GLI2: variants seen among roughly 807,000 people sequenced by gnomAD.
The protein encoded by GLI2 is transcription activator GLI2.
A neutral mutation model predicts 78.9 loss-of-function variants in GLI2; 22 were observed. That is an observed-to-expected ratio of 0.28 (90% CI 0.20 to 0.40). The LOEUF (loss-of-function observed/expected upper bound fraction) is 0.40, where lower values mean the gene tolerates loss of function less well. Ranked by LOEUF, GLI2 falls within the 10% of genes least tolerant of loss-of-function variation. GLI2 has a pLI of 1.00. For missense variants in GLI2, 2,097 were observed against 2,213.2 expected, an observed-to-expected ratio of 0.95 and a Z score of 1.05; for synonymous variants, 974 against 963.7, an observed-to-expected ratio of 1.01 and a Z score of -0.20.
chr2:120,924,913 G>A (rs1679585520), intron 2 of GLI2, among the ~76,000 whole-genome samples: 1 of 152,250 alleles, frequency 6.6e-6, no homozygotes, highest in Non-Finnish European at 1.5e-5. Context: ...CCTCCTGTGT[G>A]TGGGCTTTTT....
chr2:120,794,260 A>G (rs1188992241), intron 1 of GLI2, among the ~76,000 whole-genome samples: 1 of 152,118 alleles, frequency 6.6e-6, no homozygotes, highest in Non-Finnish European at 1.5e-5. Context: ...CAGAAAGGTG[A>G]AGGGTTTCCA....
chr2:120,768,584 G>A (rs1457323555), intron 1 of GLI2, among the ~76,000 whole-genome samples: 1 of 152,184 alleles, frequency 6.6e-6, no homozygotes, highest in Non-Finnish European at 1.5e-5. Context: ...GGCACTCTGC[G>A]ACCCTCTGAG....
intron 2 of GLI2, among the ~76,000 whole-genome samples, chr2:120,857,927 G>C (rs1216067436): frequency 6.6e-6 from 1 of 152,158 alleles, no homozygotes; most frequent in Non-Finnish European, 1.5e-5. Flanking sequence ...CAGAGTTGCG[G>C]TTGCTTCTAA....
At chr2:120,978,647 GATC>G (rs1682576342) in intron 10 of GLI2, 64 bp downstream of exon 10, 1 of 1,568,504 alleles carries the variant, frequency 6.4e-7, no homozygotes, top group Middle Eastern at 2.0e-4. Flanking sequence ...AGGCCGGGGG[GATC>G]ATGTTTGGAG....
Position 120,763,475 on chromosome 2 carries a change from T to C in GLI2, c.-31+27190T>C, listed in dbSNP as rs114115974. On this transcript the variant is annotated intron_variant, in intron 1 of 13. Transcript: ENST00000361492. The stretch of plus-strand genomic sequence containing the variant: ...GAACTGTCTCTTGGCAAGAATCTGA[T>C]CCATCACTGTGGATGGGCTTGTCCT... Among the ~76,000 whole-genome samples, 419 of 152,350 alleles carry C rather than the reference T, an allele frequency of 2.8e-3. 2 individuals are homozygous for C. The highest frequency in any genetic ancestry group is 9.5e-3 in the African/African-American group (397 of 41,580).
chr2:120,764,968 A>G (rs1460123580), intron 1 of GLI2, among the ~76,000 whole-genome samples: 1 of 152,026 alleles, frequency 6.6e-6, no homozygotes, highest in Non-Finnish European at 1.5e-5. Context: ...TCATTTGTTC[A>G]CCGTCCATTC....
chr2:120,773,505 C>T (rs1683581606), intron 1 of GLI2, among the ~76,000 whole-genome samples: 1 of 152,214 alleles, frequency 6.6e-6, no homozygotes, highest in African/African-American at 2.4e-5. Flanking sequence ...TCCCTGCTTT[C>T]AGATGCCATG....
At chr2:120,768,457 C>G (rs908940878) in intron 1 of GLI2, among the ~76,000 whole-genome samples, 1 of 152,192 alleles carries the variant, frequency 6.6e-6, no homozygotes, top group Non-Finnish European at 1.5e-5. Flanking sequence ...AGGCTGAGAG[C>G]AGGTGGAGAC....
chr2:120,750,170 C>A (rs1238664876), intron 1 of GLI2, among the ~76,000 whole-genome samples: 1 of 152,238 alleles, frequency 6.6e-6, no homozygotes, highest in Non-Finnish European at 1.5e-5. Flanking sequence ...CTCAGCCCCT[C>A]CCACTCCAGG....
chr2:120,813,025 G>A (rs1685330317), intron 2 of GLI2, among the ~76,000 whole-genome samples: 2 of 151,516 alleles, frequency 1.3e-5, no homozygotes, highest in African/African-American at 2.4e-5. Context: ...CCAGCACTGC[G>A]AGGTCCCCAG....
chr2:120,852,476 C>T (rs111400644), intron 2 of GLI2, among the ~76,000 whole-genome samples: 1,545 of 152,276 alleles, frequency 0.01, 30 homozygotes, highest in African/African-American at 0.034. Flanking sequence ...GATGATATGT[C>T]GTGTCCGTGC....
At chr2:120,963,610 G>GGT (rs1364832061) in intron 5 of GLI2, among the ~76,000 whole-genome samples, 1 of 151,494 alleles carries the variant, frequency 6.6e-6, no homozygotes, top group South Asian at 2.1e-4. Context: ...GTCCACCTGG[G>GGT]GTGTGTGTGT....
Position 120,991,764 on chromosome 2 carries a change from G to GGTATCCTCC in GLI2, c.*1091_*1099dup, listed in dbSNP as rs1229579678. On this transcript the variant is annotated 3_prime_UTR_variant, in exon 14 of 14. Coordinates refer to ENST00000361492, the MANE Select transcript of GLI2 (RefSeq NM_001374353.1). ...CCACCAAGCCACAGTGTGCATGCCT[G>GGTATCCTCC]GTATCCTCCGGATTCCCTTCCTTCT... 5 of 152,716 alleles carry GGTATCCTCC rather than the reference G, an allele frequency of 3.3e-5. No individual in the cohort carries two copies. In the East Asian group the frequency reaches 9.7e-4, roughly 30 times the overall value. The allele number at this position is 152,716 out of a possible 1,614,324, so 9.5% of individuals were successfully genotyped here. A position where few individuals can be genotyped will look rare whatever the true frequency, so the allele number is the denominator to read the frequency against.
rs1282875351 is a variant in GLI2 at position 120,975,020 on chromosome 2, A to G, written c.1228A>G (p.Lys410Glu). 2 of 1,614,020 alleles carry G rather than the reference A, an allele frequency of 1.2e-6. No homozygotes were observed. The highest frequency in any genetic ancestry group is 1.7e-6 in the Non-Finnish European group (2 of 1,180,018). Residue 410 changes from lysine (K) to glutamate (E), a missense_variant, in exon 9 of 14, where the codon AAG becomes GAG. Around this residue, in one of 5 missense-constraint regions of GLI2, gnomAD observed 578 missense variants for 612.0 expected, o/e 0.94. Transcript: ENST00000361492. ...LKEDLDRDDC[K>E]QEAEVVIYET... ...GGAAGATCTGGACAGGGATGACTGTAAGCAGGAGGCTGAGGTGGTCATCTA... is the reference window on the plus strand; with the variant it reads ...GGAAGATCTGGACAGGGATGACTGTGAGCAGGAGGCTGAGGTGGTCATCTA...
At chr2:120,846,613 C>T (rs890880032) in intron 2 of GLI2, among the ~76,000 whole-genome samples, 1 of 152,214 alleles carries the variant, frequency 6.6e-6, no homozygotes, top group Non-Finnish European at 1.5e-5. Context: ...TGTTCCAGGC[C>T]ACTCAGGTGT....
At chr2:120,747,496 T>C (rs1170581334) in intron 1 of GLI2, among the ~76,000 whole-genome samples, 1 of 152,168 alleles carries the variant, frequency 6.6e-6, no homozygotes, top group African/African-American at 2.4e-5. Flanking sequence ...CTGGTTTGCC[T>C]CAAACAAGGG....
Position 120,797,445 on chromosome 2 carries a change from C to A in GLI2, c.125C>A (p.Ala42Glu). 6.2e-7 allele frequency: 1 copy of A among 1,614,042 alleles called. No individual in the cohort carries two copies. Among genetic ancestry groups the A allele is most frequent in the Non-Finnish European group, 8.5e-7 (1 of 1,179,932 alleles). ...CCTTTGGTGGTGGCTGCAGCGGCAGCAGCAGCGGTAGCTGCCCAAGGAGGT... is the reference window on the plus strand; with the variant it reads ...CCTTTGGTGGTGGCTGCAGCGGCAGAAGCAGCGGTAGCTGCCCAAGGAGGT... ...ASPLVVAAAA[A>E]AAVAAQGVPQ... Residue 42 changes from alanine (A) to glutamate (E), a missense_variant, in exon 2 of 14, where the codon GCA becomes GAA. By Grantham distance (107) the Ala-to-Glu change is moderately radical. Coordinates refer to ENST00000361492, the MANE Select transcript of GLI2 (RefSeq NM_001374353.1).
At chr2:120,781,200 T>C (rs1683838551) in intron 1 of GLI2, among the ~76,000 whole-genome samples, 2 of 152,194 alleles carry the variant, frequency 1.3e-5, no homozygotes, top group Non-Finnish European at 2.9e-5. Flanking sequence ...CTGGTCCTGC[T>C]GCACCCTCAC....
At chr2:120,909,822 G>A (rs113909818) in intron 2 of GLI2, among the ~76,000 whole-genome samples, 4,204 of 152,272 alleles carry the variant, frequency 0.028, 88 homozygotes, top group Non-Finnish European at 0.037. Context: ...CTGAGATCAC[G>A]CCACTGCACT....
Sources: allele counts gnomAD v4.1 joint callset (sites outside exome capture counted in the v4.1 genomes callset), GRCh38; gene constraint gnomAD v4.1.1; regional missense constraint gnomAD v4.1.1; transcripts MANE v1.5; gene names NCBI Gene and HGNC (gene_info 2026-07-23, HGNC 2026-07-21).